PPP2R1A: variants seen among roughly 807,000 people sequenced by gnomAD.
PPP2R1A encodes serine/threonine-protein phosphatase 2A 65 kDa regulatory subunit A alpha isoform.
PPP2R1A carries 15 observed loss-of-function variants against 67.1 expected under a neutral mutation model. That is an observed-to-expected ratio of 0.22 (90% confidence interval 0.15 to 0.34). PPP2R1A has a LOEUF of 0.34. PPP2R1A is among the 10% of genes least tolerant of loss of function. The pLI, the probability that PPP2R1A is intolerant of heterozygous loss-of-function variation, is 1.00. For missense variants in PPP2R1A, 369 were observed against 775.0 expected, an observed-to-expected ratio of 0.48 and a Z score of 6.22; for synonymous variants, 337 against 325.0, an observed-to-expected ratio of 1.04 and a Z score of -0.40.
intron 1 of PPP2R1A, among the ~76,000 whole-genome samples, chr19:52,197,999 T>C (rs2089511542): frequency 6.6e-6 from 1 of 152,236 alleles, no homozygotes; most frequent in Admixed American, 6.5e-5. Context: ...TCCTTCTTAA[T>C]AATCTGAACA....
At chr19:52,223,824 A>G (rs1203255953) in intron 13 of PPP2R1A, among the ~76,000 whole-genome samples, 2 of 152,146 alleles carry the variant, frequency 1.3e-5, no homozygotes, top group Non-Finnish European at 2.9e-5. Flanking sequence ...GAATTTGGTG[A>G]AGCTTGTTAT....
At chr19:52,194,583 A>G (rs78654772) in intron 1 of PPP2R1A, among the ~76,000 whole-genome samples, 26,064 of 151,720 alleles carry the variant, frequency 0.17, 2,264 homozygotes, top group South Asian at 0.24. Context: ...GCAGGGGGGA[A>G]GTATGGTTAC....
chr19:52,221,742 G>A (rs1978947275), intron 12 of PPP2R1A, among the ~76,000 whole-genome samples: 2 of 152,074 alleles, frequency 1.3e-5, no homozygotes, highest in South Asian at 4.1e-4. Flanking sequence ...TTATTTATGT[G>A]TAAACCATAC....
At chr19:52,196,275 C>A (rs112535230) in intron 1 of PPP2R1A, among the ~76,000 whole-genome samples, 64 of 152,264 alleles carry the variant, frequency 4.2e-4, no homozygotes, top group African/African-American at 1.5e-3. Flanking sequence ...AGGAATGTGA[C>A]GGAGACCCCA....
chr19:52,208,831 C>A (rs367856907), intron 3 of PPP2R1A, among the ~76,000 whole-genome samples: 19 of 152,232 alleles, frequency 1.2e-4, no homozygotes, highest in African/African-American at 4.6e-4. Context: ...ATTATGGATC[C>A]CTTTGAGAAT....
At chr19:52,192,613 C>T (rs954322540) in intron 1 of PPP2R1A, among the ~76,000 whole-genome samples, 9 of 152,066 alleles carry the variant, frequency 5.9e-5, no homozygotes, top group African/African-American at 1.9e-4. Context: ...TATGCCCGGC[C>T]AGTTTTTTGT....
At chr19:52,197,560 G>A (rs796861219) in intron 1 of PPP2R1A, among the ~76,000 whole-genome samples, 10 of 152,208 alleles carry the variant, frequency 6.6e-5, no homozygotes, top group African/African-American at 1.7e-4. Flanking sequence ...CTGTAGACCC[G>A]TCTACTTGGG....
rs1979389191 is a variant in PPP2R1A, at chr19:52,228,482, C to A, written c.*2501C>A. The A allele has an allele frequency of 6.6e-6, 1 of 152,154 alleles. No individual in the cohort carries two copies. The highest frequency in any genetic ancestry group is 2.4e-5 in the African/African-American group (1 of 41,426). 9.4% of individuals were successfully genotyped at this position (152,154 alleles called of 1,614,324 possible). On this transcript the variant is annotated 3_prime_UTR_variant, in exon 15 of 15. Coordinates refer to ENST00000322088, the MANE Select transcript of PPP2R1A (RefSeq NM_014225.6). ...TCTGTGAGCTTCATGTTGGAAGAATCCAATCAGGTGATGAATGTGATGTTA... is the reference window on the plus strand; with the variant it reads ...TCTGTGAGCTTCATGTTGGAAGAATACAATCAGGTGATGAATGTGATGTTA...
At chr19:52,205,059 A>C (rs538603112) in intron 2 of PPP2R1A, among the ~76,000 whole-genome samples, 52 of 152,228 alleles carry the variant, frequency 3.4e-4, no homozygotes, top group Non-Finnish European at 6.2e-4. Context: ...ACTTACACTC[A>C]CACCCCTTTG....
chr19:52,209,843 C>T (rs1275064408), intron 3 of PPP2R1A, among the ~76,000 whole-genome samples: 3 of 152,254 alleles, frequency 2.0e-5, no homozygotes, highest in Non-Finnish European at 4.4e-5. Flanking sequence ...TGAGACTTCT[C>T]ACATACAAGA....
At chr19:52,198,410 G>T (rs1049387149) in intron 1 of PPP2R1A, among the ~76,000 whole-genome samples, 4 of 152,082 alleles carry the variant, frequency 2.6e-5, no homozygotes, top group Non-Finnish European at 5.9e-5. Context: ...CCACCTCTTG[G>T]GCATCCCCAG....
chr19:52,215,301 G>C (rs1421092631), intron 6 of PPP2R1A, among the ~76,000 whole-genome samples: 2 of 152,082 alleles, frequency 1.3e-5, no homozygotes, highest in African/African-American at 4.8e-5. Context: ...CAAGCGATCT[G>C]TCCACCTCAG....
In PPP2R1A at chr19:52,220,096, A is replaced by T; in HGVS notation, c.1303-93A>T. ...AAGTTGAGAAGTGTCCGGTCTTTCT[A>T]GGGTGGGTGTAGGTTCCATGGGATG... On this transcript the variant is annotated intron_variant, in intron 10 of 14. Coordinates refer to ENST00000322088, the MANE Select transcript of PPP2R1A (RefSeq NM_014225.6). 2.9e-6 allele frequency: 4 copies of T among 1,401,754 alleles called. No individual in the cohort carries two copies. In the South Asian group the frequency reaches 3.5e-5, roughly 12 times the overall value. The allele number at this position is 1,401,754 out of a possible 1,614,324, so 86.8% of individuals were successfully genotyped here.
At chr19:52,191,242 G>C (rs1472362121) in intron 1 of PPP2R1A, 1 of 152,284 alleles carries the variant, frequency 6.6e-6, no homozygotes, top group Non-Finnish European at 1.5e-5. Context: ...AGTTAGAACT[G>C]CAAGTCCACC....
Position 52,211,442 on chromosome 19 carries a change from C to T in PPP2R1A, c.453C>T (p.Phe151=), listed in dbSNP as rs2089669155. The change falls in exon 4 of 15, where the codon TTC becomes TTT. Residue 151 remains phenylalanine, a synonymous_variant. Transcript: ENST00000322088. The surrounding 1 kb of genome is among the most constrained non-coding windows in gnomAD (Gnocchi z 5.3). ...FTSRTSACGL[F]SVCYPRVSSA... is the part of the protein sequence containing the mutation. ...CCCGCACCTCGGCCTGCGGCCTCTT[C>T]TCCGTCTGCTACCCCCGAGTGTCCA... The T allele has an allele frequency of 5.0e-6, 8 of 1,613,980 alleles. No individual in the cohort carries two copies. Among genetic ancestry groups the T allele is most frequent in the Non-Finnish European group, 5.9e-6 (7 of 1,180,016 alleles).
chr19:52,190,824 A>G (rs1429763806), intron 1 of PPP2R1A, among the ~76,000 whole-genome samples: 2 of 152,140 alleles, frequency 1.3e-5, no homozygotes, highest in South Asian at 2.1e-4. Context: ...TGACCAGGAT[A>G]GGGGTTGAGG....
In PPP2R1A at chr19:52,215,838, C is replaced by T; in HGVS notation, c.867C>T (p.Asn289=). ...CAGACCTGGTCCCTGCCTTCCAGAACCTGATGAAAGACTGTGAGGCCGAGG... is the reference window on the plus strand; with the variant it reads ...CAGACCTGGTCCCTGCCTTCCAGAATCTGATGAAAGACTGTGAGGCCGAGG... The part of the protein sequence containing the change: ...TKTDLVPAFQ[N]LMKDCEAEVR... The change falls in exon 7 of 15, where the codon AAC becomes AAT. Residue 289 remains asparagine (N), a synonymous_variant. Coordinates refer to ENST00000322088, the MANE Select transcript of PPP2R1A (RefSeq NM_014225.6). The T allele has an allele frequency of 6.2e-7, 1 of 1,614,006 alleles. No individual in the cohort carries two copies. The highest frequency in any genetic ancestry group is 8.5e-7 in the Non-Finnish European group (1 of 1,179,928).
intron 11 of PPP2R1A, among the ~76,000 whole-genome samples, chr19:52,220,460 A>G (rs1978848741): frequency 6.6e-6 from 1 of 152,118 alleles, no homozygotes; most frequent in South Asian, 2.1e-4. Flanking sequence ...TGCCTGGTAT[A>G]GTGGAGAGCC....
chr19:52,218,902 AAAAG>A (rs1978750086), intron 9 of PPP2R1A, among the ~76,000 whole-genome samples: 1 of 152,224 alleles, frequency 6.6e-6, no homozygotes, highest in Admixed American at 6.5e-5. Context: ...CTCTTAGAAG[AAAAG>A]AACCAGCATG....
Sources: gnomAD v4.1 joint callset for allele counts (sites outside exome capture counted in the v4.1 genomes callset) on GRCh38, gnomAD v4.1.1 for gene constraint, Gnocchi (gnomAD v3.1) non-coding constraint, MANE v1.5 for transcripts, NCBI Gene and HGNC (gene_info 2026-07-23, HGNC 2026-07-21) for gene names.